The following SAMD13 variants were observed in gnomAD, a reference collection of about 807,000 sequenced individuals.
SAMD13 encodes the protein sterile alpha motif domain containing 13.
In SAMD13, 9 loss-of-function variants were observed where a neutral mutation model predicts 12.4. That is an observed-to-expected ratio of 0.72 (90% CI 0.44 to 1.26). The LOEUF (loss-of-function observed/expected upper bound fraction) is 1.26, where lower values mean the gene tolerates loss of function less well. Ranked by LOEUF, SAMD13 falls within the 50% of genes most tolerant of loss-of-function variation. The pLI is 0.00. For missense variants in SAMD13, 84 were observed against 119.6 expected, an observed-to-expected ratio of 0.70 and a Z score of 1.39; for synonymous variants, 46 against 45.4, an observed-to-expected ratio of 1.01 and a Z score of -0.05.
intron 2 of SAMD13, among the ~76,000 whole-genome samples, chr1:84,318,798 GA>G (rs1678885375): frequency 6.6e-6 from 1 of 152,146 alleles, no homozygotes; most frequent in Non-Finnish European, 1.5e-5. Context: ...ATGGTCTCAT[GA>G]TAAATAAGTC....
chr1:84,300,141 C>T (rs547104623), upstream of SAMD13, among the ~76,000 whole-genome samples: 1 of 152,246 alleles, frequency 6.6e-6, no homozygotes, highest in Admixed American at 6.5e-5. Flanking sequence ...AGATCAAGTC[C>T]AAAAGCGTTA....
At chr1:84,298,546 C>G, upstream of SAMD13, 1 of 1,267,512 alleles carries the variant, frequency 7.9e-7, no homozygotes, top group Non-Finnish European at 1.0e-6. Context: ...GGGCAAACCT[C>G]CCGGCGCGGC....
chr1:84,330,274 T>C (rs866267489), intron 3 of SAMD13, among the ~76,000 whole-genome samples: 3 of 152,144 alleles, frequency 2.0e-5, no homozygotes, highest in African/African-American at 7.2e-5. Context: ...AAATATGTAA[T>C]CTTAAAACTG....
upstream of SAMD13, chr1:84,298,606 G>T: frequency 7.8e-7 from 1 of 1,278,750 alleles, no homozygotes; most frequent in Non-Finnish European, 9.9e-7. Context: ...GTGGGAAGGC[G>T]CCCGCCCTCT....
At chr1:84,323,101 T>C (rs956522366) in intron 2 of SAMD13, among the ~76,000 whole-genome samples, 1 of 152,142 alleles carries the variant, frequency 6.6e-6, no homozygotes, top group Non-Finnish European at 1.5e-5. Context: ...GTGTGTTCGA[T>C]GGGACTCTGT....
intron 3 of SAMD13, among the ~76,000 whole-genome samples, chr1:84,347,844 C>A (rs1200323012): frequency 2.0e-5 from 3 of 152,166 alleles, no homozygotes; most frequent in Non-Finnish European, 4.4e-5. Flanking sequence ...TTACTACTTG[C>A]CTAAATAAGA....
chr1:84,340,279 C>T lies in SAMD13; in HGVS notation c.166-9352C>T, dbSNP rs79588071. Among the ~76,000 whole-genome samples the T allele has an allele frequency of 2.1e-3, 318 of 152,188 alleles. 4 individuals carry two copies. The highest frequency in any genetic ancestry group is 3.4e-3 in the Middle Eastern group (1 of 294). ...AGGAATGAAGTTCTGATATGTGCTA[C>T]GACATGGATAAACATTGAAAACATG... On this transcript the variant is annotated intron_variant, in intron 3 of 3. Coordinates refer to ENST00000394834, the MANE Select transcript of SAMD13 (RefSeq NM_001134663.2).
chr1:84,299,338 G>A (rs1421922338), upstream of SAMD13, among the ~76,000 whole-genome samples: 2 of 152,152 alleles, frequency 1.3e-5, no homozygotes. Flanking sequence ...ATTCCCAAGT[G>A]GGTCGACAGT....
intron 3 of SAMD13, among the ~76,000 whole-genome samples, chr1:84,337,656 T>C (rs1679330172): frequency 6.6e-6 from 1 of 152,232 alleles, no homozygotes; most frequent in Admixed American, 6.5e-5. Context: ...TGGAGACATT[T>C]TCCCCATTGT....
intron 3 of SAMD13, among the ~76,000 whole-genome samples, chr1:84,326,927 C>T (rs1044122749): frequency 6.6e-6 from 1 of 152,074 alleles, no homozygotes; most frequent in African/African-American, 2.4e-5. Flanking sequence ...AAAATAGCAG[C>T]TTAAATTTCT....
At chr1:84,318,757 ATATGT>A (rs1026503446) in intron 2 of SAMD13, among the ~76,000 whole-genome samples, 1 of 152,116 alleles carries the variant, frequency 6.6e-6, no homozygotes, top group African/African-American at 2.4e-5. Flanking sequence ...TCATTCCTTG[ATATGT>A]TATAGTTATC....
chr1:84,305,304 T>C (rs1264630545), intron 2 of SAMD13, among the ~76,000 whole-genome samples: 1 of 152,194 alleles, frequency 6.6e-6, no homozygotes, highest in African/African-American at 2.4e-5. Context: ...TTCATGTATC[T>C]TCCTAGATGA....
chr1:84,346,007 A>T (rs933561995), intron 3 of SAMD13, among the ~76,000 whole-genome samples: 6 of 152,100 alleles, frequency 3.9e-5, no homozygotes, highest in South Asian at 2.1e-4. Flanking sequence ...CTCAGCTTTT[A>T]TATGCTTTTT....
chr1:84,304,586 A>G (rs1018068590), intron 2 of SAMD13, among the ~76,000 whole-genome samples: 3 of 152,174 alleles, frequency 2.0e-5, no homozygotes, highest in Non-Finnish European at 4.4e-5. Flanking sequence ...TCTTGAAACT[A>G]CTGCCACAAT....
At chr1:84,349,559 A>G in intron 3 of SAMD13, 72 bp from the exon 4 acceptor site, 1 of 1,547,290 alleles carries the variant, frequency 6.5e-7, no homozygotes, top group South Asian at 1.2e-5. Flanking sequence ...TTACCTCTGA[A>G]CTTCCTTTTG....
At chr1:84,340,941 G>T (rs543079143) in intron 3 of SAMD13, among the ~76,000 whole-genome samples, 2 of 152,310 alleles carry the variant, frequency 1.3e-5, no homozygotes, top group African/African-American at 2.4e-5. Context: ...CTCATCCCAT[G>T]ATGGCCCTAA....
intron 2 of SAMD13, among the ~76,000 whole-genome samples, chr1:84,318,546 A>C (rs567513989): frequency 6.6e-6 from 1 of 152,126 alleles, no homozygotes; most frequent in Non-Finnish European, 1.5e-5. Context: ...ATAATGTTCC[A>C]TGTATGCTTG....
chr1:84,323,230 A>T (rs1678982550), intron 2 of SAMD13, among the ~76,000 whole-genome samples: 2 of 152,224 alleles, frequency 1.3e-5, no homozygotes, highest in Non-Finnish European at 1.5e-5. Flanking sequence ...GGTAGCTTGA[A>T]GAGGGTCCTC....
intron 3 of SAMD13, among the ~76,000 whole-genome samples, chr1:84,335,487 T>C (rs536945916): frequency 1.3e-5 from 2 of 152,314 alleles, no homozygotes; most frequent in African/African-American, 4.8e-5. Context: ...TGGGTCTTGC[T>C]TCTTTATCCA....
Sources: gnomAD v4.1 joint callset for allele counts (sites outside exome capture counted in the v4.1 genomes callset) on GRCh38, gnomAD v4.1.1 for gene constraint, MANE v1.5 for transcripts, NCBI Gene and HGNC (gene_info 2026-07-23, HGNC 2026-07-21) for gene names.